SAMD5: variants seen among roughly 807,000 people sequenced by gnomAD.
SAMD5 encodes the protein sterile alpha motif domain-containing protein 5.
A neutral mutation model predicts 11.3 loss-of-function variants in SAMD5; 13 were observed. That is an observed-to-expected ratio of 1.15 (90% CI 0.75 to 1.83). The LOEUF (loss-of-function observed/expected upper bound fraction) is 1.83. SAMD5 is among the 40% of genes most tolerant of loss of function. SAMD5 has a pLI of 0.00. For synonymous variants in SAMD5, 129 were observed against 111.3 expected (o/e 1.16, Z -1.00); for missense variants, 255 against 239.1 (o/e 1.07, Z -0.44).
the SAMD5 span, among the ~76,000 whole-genome samples, chr6:147,785,562 C>G: frequency 6.6e-5 from 10 of 152,284 alleles, no homozygotes; most frequent in Admixed American, 4.6e-4. Context: ...GGCCAATACC[C>G]CAGCCCAGAC....
chr6:147,784,284 C>A, the SAMD5 span, among the ~76,000 whole-genome samples: 1 of 152,038 alleles, frequency 6.6e-6, no homozygotes, highest in Non-Finnish European at 1.5e-5. Flanking sequence ...ACATAATAAT[C>A]AACTGTGACT....
Position 147,567,691 on chromosome 6 carries a change from A to G in SAMD5, c.*3235A>G, listed in dbSNP as rs186840284. On this transcript the variant is annotated 3_prime_UTR_variant, in exon 2 of 2. Transcript: ENST00000367474. ...TCAGTTGTCTTATTTCTTCTTATGC[A>G]GAAGAGATTACCTTAAAGCTGACTA... 6 of 985,358 alleles carry G rather than the reference A, an allele frequency of 6.1e-6. No homozygotes were observed. In the African/African-American group the frequency reaches 8.7e-5, roughly 14 times the overall value. The allele number at this position is 985,358 out of a possible 1,614,324, so 61.0% of individuals were successfully genotyped here. A position where few individuals can be genotyped will look rare whatever the true frequency, so the allele number is the denominator to read the frequency against.
At chr6:147,736,538 C>G (rs548197721) in intron 1 of SAMD5, among the ~76,000 whole-genome samples, 1 of 152,200 alleles carries the variant, frequency 6.6e-6, no homozygotes, top group South Asian at 2.1e-4. Context: ...CAGCGTAACT[C>G]AGGAGAGTGA....
At chr6:147,796,260 G>T in the SAMD5 span, among the ~76,000 whole-genome samples, 1 of 151,720 alleles carries the variant, frequency 6.6e-6, no homozygotes, top group African/African-American at 2.4e-5. Flanking sequence ...GTAAGGAAGG[G>T]ATCCAGTTTC....
At chr6:147,933,723 A>T in the SAMD5 span, among the ~76,000 whole-genome samples, 3 of 150,468 alleles carry the variant, frequency 2.0e-5, no homozygotes, top group African/African-American at 7.5e-5. Flanking sequence ...AAACAACAAA[A>T]ATAGCAAGGG....
chr6:147,821,266 A>T, the SAMD5 span, among the ~76,000 whole-genome samples: 1 of 152,312 alleles, frequency 6.6e-6, no homozygotes, highest in Middle Eastern at 3.4e-3. Context: ...TCTTCCATGG[A>T]TGTGATATAA....
At chr6:147,696,459 C>T (rs1000114935) in intron 1 of SAMD5, among the ~76,000 whole-genome samples, 1 of 152,172 alleles carries the variant, frequency 6.6e-6, no homozygotes, top group African/African-American at 2.4e-5. Flanking sequence ...TGGGCTTCTG[C>T]TACCCAGGCC....
At chr6:147,737,672 C>CTTTTTTTTTT (rs10544345), downstream of SAMD5, 1 of 49,236 alleles carries the variant, frequency 2.0e-5, no homozygotes, top group African/African-American at 7.9e-5. Context: ...AGATTGAGGG[C>CTTTTTTTTTT]TTTTTTTTTT....
chr6:147,647,828 A>T (rs1309444067), intron 1 of SAMD5, among the ~76,000 whole-genome samples: 1 of 152,192 alleles, frequency 6.6e-6, no homozygotes, highest in East Asian at 1.9e-4. Context: ...AATAACTCAC[A>T]CCCTCTTCTG....
rs1285478162 is a variant in SAMD5, at chr6:147,566,931, C to G, written c.*2475C>G. 1.1e-6 allele frequency: 1 copy of G among 883,008 alleles called. No homozygotes were observed. The highest frequency in any genetic ancestry group is 1.8e-5 in the African/African-American group (1 of 54,866). The allele number at this position is 883,008 out of a possible 1,614,324, so 54.7% of individuals were successfully genotyped here. On this transcript the variant is annotated 3_prime_UTR_variant, in exon 2 of 2. Transcript: ENST00000367474. The stretch of plus-strand genomic sequence containing the variant: ...TTTTTTCAGCGTTTTTCCTCTGTAT[C>G]TAAACACCAATAATATACTTAATTT...
At chr6:147,843,823 C>G in the SAMD5 span, among the ~76,000 whole-genome samples, 1 of 152,068 alleles carries the variant, frequency 6.6e-6, no homozygotes, top group South Asian at 2.1e-4. Context: ...CCTTATCTGA[C>G]CCTTATGTAT....
At chr6:147,728,103 G>T (rs891669361) in intron 1 of SAMD5, among the ~76,000 whole-genome samples, 1 of 152,052 alleles carries the variant, frequency 6.6e-6, no homozygotes, top group Non-Finnish European at 1.5e-5. Context: ...GTCTAGTACT[G>T]AGTATCCAGA....
At position 147,516,425 on chromosome 6, in the gene SAMD5, C is replaced by G. The variant is rs151047045; in HGVS notation, c.459+7038C>G. Among the ~76,000 whole-genome samples, 42 of 152,292 alleles carry G rather than the reference C, an allele frequency of 2.8e-4. 2 individuals carry two copies. In the East Asian group the frequency reaches 7.7e-3, roughly 28 times the overall value. ...GTCCCAGCTCTGCTCCATACTAGGT[C>G]ACTGTTGGCTCTTCTGTGAAATATG... On this transcript the variant is annotated intron_variant, in intron 1 of 1. Transcript: ENST00000367474.
intron 1 of SAMD5, among the ~76,000 whole-genome samples, chr6:147,698,489 G>GA (rs1791209973): frequency 6.6e-6 from 1 of 152,038 alleles, no homozygotes; most frequent in African/African-American, 2.4e-5. Context: ...ATGTCCTGTG[G>GA]AAAAAAATAA....
In SAMD5 at chr6:147,567,348, CAAT is replaced by C; in HGVS notation, c.*2893_*2895del. The C allele has an allele frequency of 1.0e-6, 1 of 985,070 alleles. No homozygotes were observed. Among genetic ancestry groups the C allele is most frequent in the Non-Finnish European group, 1.2e-6 (1 of 829,622 alleles). 61.0% of individuals were successfully genotyped at this position (985,070 alleles called of 1,614,324 possible). ...TAGCATCTTGGTGTTATGCAATAAA[CAAT>C]GACAACAACAAGCATTGAGCTTTCA... is the stretch of plus-strand genomic sequence containing the variant. On this transcript the variant is annotated 3_prime_UTR_variant, in exon 2 of 2. Coordinates refer to ENST00000367474, the MANE Select transcript of SAMD5 (RefSeq NM_001030060.3).
chr6:147,511,450 A>C (rs1261903887), intron 1 of SAMD5, among the ~76,000 whole-genome samples: 2 of 152,258 alleles, frequency 1.3e-5, no homozygotes, highest in African/African-American at 4.8e-5. Context: ...TTTCCATGTA[A>C]ATAATTACTT....
chr6:147,850,393 CTT>C, the SAMD5 span, among the ~76,000 whole-genome samples: 2 of 152,202 alleles, frequency 1.3e-5, no homozygotes, highest in East Asian at 3.9e-4. Context: ...TAAAATTAAA[CTT>C]ATATTACTTT....
chr6:147,674,487 G>A (rs1283340380), intron 1 of SAMD5, among the ~76,000 whole-genome samples: 4 of 152,050 alleles, frequency 2.6e-5, no homozygotes, highest in African/African-American at 2.4e-5. Context: ...AAAATCTGGC[G>A]GGCATTCTCT....
At chr6:147,847,853 A>AAAAAAAC in the SAMD5 span, among the ~76,000 whole-genome samples, 1 of 152,080 alleles carries the variant, frequency 6.6e-6, no homozygotes, top group African/African-American at 2.4e-5. Context: ...ACTCCATCTC[A>AAAAAAAC]AAAAAACAAA....
Sources: gnomAD v4.1 joint callset for allele counts (sites outside exome capture counted in the v4.1 genomes callset) on GRCh38, gnomAD v4.1.1 for gene constraint, MANE v1.5 for transcripts, NCBI Gene and HGNC (gene_info 2026-07-23, HGNC 2026-07-21) for gene names.